Variants in NHSL3 observed in about 807,000 individuals in gnomAD.
NHSL3 encodes NHS-like protein 3.
chr1:32,742,007 C>T, the NHSL3 span: 1 of 1,220,864 alleles, frequency 8.2e-7, no homozygotes. Context: ...CCGGGGAACC[C>T]GGGCGGCCCC....
At chr1:32,771,799 G>A in the NHSL3 span, 34 of 1,613,126 alleles carry the variant, frequency 2.1e-5, no homozygotes, top group East Asian at 3.6e-4. Flanking sequence ...CAGGGAGGAC[G>A]TAGGTGCGCC....
chr1:32,755,407 TTGA>T, the NHSL3 span, among the ~76,000 whole-genome samples: 2 of 152,176 alleles, frequency 1.3e-5, no homozygotes, highest in Non-Finnish European at 2.9e-5. Context: ...GAACCGGAGC[TTGA>T]TGATCTCATC....
chr1:32,771,690 A>T, the NHSL3 span: 3 of 1,611,730 alleles, frequency 1.9e-6, no homozygotes, highest in Non-Finnish European at 2.5e-6. Context: ...ACCCTCCTCC[A>T]GCTCCGCCAG....
chr1:32,753,206 C>T, the NHSL3 span, among the ~76,000 whole-genome samples: 15 of 148,300 alleles, frequency 1.0e-4, no homozygotes, highest in Non-Finnish European at 3.0e-5. Flanking sequence ...TTTAACAGGC[C>T]GGGTGGTGTG....
At chr1:32,764,306 A>C in the NHSL3 span, among the ~76,000 whole-genome samples, 7 of 149,730 alleles carry the variant, frequency 4.7e-5, no homozygotes. Flanking sequence ...TGTATTCATC[A>C]AATATTTTTT....
chr1:32,766,011 G>A, the NHSL3 span, among the ~76,000 whole-genome samples: 2 of 152,142 alleles, frequency 1.3e-5, no homozygotes, highest in African/African-American at 2.4e-5. Flanking sequence ...GCCTTTGTCT[G>A]GGCCCTGCTT....
the NHSL3 span, chr1:32,772,931 C>G: frequency 1.2e-6 from 2 of 1,601,490 alleles, no homozygotes; most frequent in Non-Finnish European, 1.7e-6. Flanking sequence ...CCCAGAAACA[C>G]AATCTCAGGG....
chr1:32,758,426 A>G, the NHSL3 span, among the ~76,000 whole-genome samples: 1 of 152,044 alleles, frequency 6.6e-6, no homozygotes. Flanking sequence ...GTAGACCTGG[A>G]GGTTTAACTT....
At chr1:32,755,425 CA>C in the NHSL3 span, among the ~76,000 whole-genome samples, 1 of 152,202 alleles carries the variant, frequency 6.6e-6, no homozygotes, top group African/African-American at 2.4e-5. Context: ...CTCATCGCTC[CA>C]TGGAGGGGGT....
chr1:32,754,185 G>C, the NHSL3 span: 1 of 710,642 alleles, frequency 1.4e-6, no homozygotes, highest in East Asian at 2.7e-5. Flanking sequence ...CGGCAGGTAG[G>C]GGCCGGGGTG....
chr1:32,770,650 C>T, the NHSL3 span: 3 of 1,522,082 alleles, frequency 2.0e-6, no homozygotes, highest in African/African-American at 2.8e-5. The surrounding 1 kb of genome is among the most constrained non-coding windows in gnomAD (Gnocchi z 8.3). Context: ...GAGTGTGTCC[C>T]TGCGTAAGCT....
At chr1:32,749,077 C>G in the NHSL3 span, among the ~76,000 whole-genome samples, 2 of 152,168 alleles carry the variant, frequency 1.3e-5, no homozygotes, top group African/African-American at 4.8e-5. Flanking sequence ...GGAAAATACG[C>G]TGAACAAGTA....
chr1:32,761,722 C>T, the NHSL3 span, among the ~76,000 whole-genome samples: 3 of 152,148 alleles, frequency 2.0e-5, no homozygotes, highest in Non-Finnish European at 2.9e-5. Flanking sequence ...CCTTTCACCA[C>T]GACCTGGCAT....
the NHSL3 span, among the ~76,000 whole-genome samples, chr1:32,751,345 T>C: frequency 6.6e-5 from 10 of 152,254 alleles, no homozygotes; most frequent in East Asian, 1.9e-4. Flanking sequence ...TATGCAAGCG[T>C]CACCGTTGCT....
the NHSL3 span, among the ~76,000 whole-genome samples, chr1:32,763,497 C>T: frequency 6.6e-6 from 1 of 152,172 alleles, no homozygotes; most frequent in Non-Finnish European, 1.5e-5. Context: ...GAAGACTCTT[C>T]CCCAGGTACC....
At chr1:32,746,040 C>G in the NHSL3 span, among the ~76,000 whole-genome samples, 1 of 151,844 alleles carries the variant, frequency 6.6e-6, no homozygotes, top group African/African-American at 2.4e-5. Context: ...ACCATCCTGG[C>G]TAACATGGTG....
the NHSL3 span, chr1:32,771,801 A>T: frequency 6.2e-7 from 1 of 1,613,082 alleles, no homozygotes; most frequent in Non-Finnish European, 8.5e-7. Context: ...GGGAGGACGT[A>T]GGTGCGCCCC....
chr1:32,760,270 T>C, the NHSL3 span, among the ~76,000 whole-genome samples: 2 of 152,090 alleles, frequency 1.3e-5, no homozygotes, highest in African/African-American at 2.4e-5. Flanking sequence ...TCCTCTCCCC[T>C]GAGTCAGGCC....
the NHSL3 span, chr1:32,770,892 A>G: frequency 1.2e-6 from 2 of 1,609,186 alleles, no homozygotes; most frequent in Non-Finnish European, 1.7e-6. This position sits in a 1 kb window ranked among gnomAD's most constrained non-coding sequence, Gnocchi z 8.3. Context: ...GGCGCCCCCC[A>G]CGGTCCCCAG....
Sources: allele counts gnomAD v4.1 joint callset (sites outside exome capture counted in the v4.1 genomes callset), GRCh38; gene constraint gnomAD v4.1.1; non-coding constraint Gnocchi (gnomAD v3.1); transcripts MANE v1.5; gene names NCBI Gene and HGNC (gene_info 2026-07-23, HGNC 2026-07-21).